CDCA5: variants seen among roughly 807,000 people sequenced by gnomAD.
The protein encoded by CDCA5 is cell division cycle associated 5, also known as sororin.
Under a neutral mutation model 25.7 loss-of-function variants are expected in CDCA5, and 14 were observed. That is an observed-to-expected ratio of 0.54 (90% confidence interval 0.36 to 0.85). The LOEUF is 0.85. Ranked by LOEUF, CDCA5 falls within the 40% of genes least tolerant of loss-of-function variation. The probability of loss-of-function intolerance (pLI) is 0.01; values close to 1 mark genes in which losing one functional copy is unlikely to be tolerated. For synonymous variants in CDCA5, 127 were observed against 128.7 expected (o/e 0.99, Z 0.09); for missense variants, 307 against 324.5 (o/e 0.95, Z 0.41).
At chr11:65,066,108 A>G (rs993656827), downstream of CDCA5, among the ~76,000 whole-genome samples, 5 of 151,562 alleles carry the variant, frequency 3.3e-5, no homozygotes, top group African/African-American at 1.2e-4. Flanking sequence ...GACAACAACC[A>G]GGCCTGGAAC....
rs749138054 is a variant in CDCA5, at chr11:65,083,908, C to G, written c.46+25G>C. 1.6e-5 allele frequency: 25 copies of G among 1,609,120 alleles called. No individual in the cohort carries two copies. The South Asian group carries it at 2.5e-4, about 16-fold the overall frequency. ...GCGTCCCCCAAACGGCTCGACCTCA[C>G]GTCTCCCGCGCGCCCTCCGCTCACC... On this transcript the variant is annotated intron_variant, in intron 1 of 5. Transcript: ENST00000275517.
At chr11:65,066,352 G>A (rs1163754069), downstream of CDCA5, 5 of 1,173,130 alleles carry the variant, frequency 4.3e-6, no homozygotes, top group African/African-American at 8.0e-5. Context: ...TGAAGGAGCG[G>A]CCTCCCGAGG....
Position 65,079,727 on chromosome 11 carries a change from G to C in CDCA5, c.304C>G (p.Leu102Val). The change falls in exon 5 of 6, where the codon CTT becomes GTT. Residue 102 changes from leucine to valine, a missense_variant. Leu to Val is a conservative substitution (Grantham distance 32, BLOSUM62 1). Transcript: ENST00000275517. ...PPGRELTKED[L>V]FKTHSVPATP... ...GCAGGGACGCTGTGTGTCTTGAAAA[G>C]GTCCTCCTTAGTAAGCTCCCTGCCA... is the stretch of plus-strand genomic sequence containing the variant. 6.6e-7 allele frequency: 1 copy of C among 1,524,470 alleles called. No homozygotes were observed. The highest frequency in any genetic ancestry group is 8.8e-7 in the Non-Finnish European group (1 of 1,137,568). The allele number at this position is 1,524,470 out of a possible 1,614,324, so 94.4% of individuals were successfully genotyped here.
intron 1 of CDCA5, among the ~76,000 whole-genome samples, chr11:65,071,149 A>G (rs189728979): frequency 6.6e-6 from 1 of 150,918 alleles, no homozygotes; most frequent in Admixed American, 6.6e-5. Context: ...TCACCGTGTT[A>G]GCCAGGATGG....
Position 65,083,283 on chromosome 11 carries a change from A to T in CDCA5, c.243+81T>A, listed in dbSNP as rs1947612253. 2.0e-6 allele frequency: 3 copies of T among 1,525,060 alleles called. No homozygotes were observed. The Admixed American group carries it at 5.1e-5, about 26-fold the overall frequency. The allele number at this position is 1,525,060 out of a possible 1,614,324, so 94.5% of individuals were successfully genotyped here. ...AGTACTGCAAAACAGCTCCCTGGGC[A>T]GATGTGAGGAGCCAATGTGTGCTGT... On this transcript the variant is annotated intron_variant, in intron 4 of 5. Transcript: ENST00000275517.
chr11:65,069,235 C>CAA (rs538955897), intron 1 of CDCA5, among the ~76,000 whole-genome samples: 1,049 of 84,846 alleles, frequency 0.012, 35 homozygotes, highest in Admixed American at 0.017. Context: ...GCGAGACTCT[C>CAA]AAAAAAAAAA....
intron 5 of CDCA5, chr11:65,066,730 AC>A (rs1339450531): frequency 1.6e-6 from 2 of 1,287,068 alleles, no homozygotes; most frequent in Non-Finnish European, 2.0e-6. Context: ...ATGCAGGACA[AC>A]CCGAAGCCCC....
chr11:65,081,247 A>G (rs1947559592), intron 4 of CDCA5, among the ~76,000 whole-genome samples: 1 of 152,152 alleles, frequency 6.6e-6, no homozygotes. Flanking sequence ...CAACATAGTG[A>G]AACCCCATCT....
chr11:65,062,622 T>C (rs1275546683), downstream of CDCA5, among the ~76,000 whole-genome samples: 2 of 152,136 alleles, frequency 1.3e-5, no homozygotes, highest in Non-Finnish European at 2.9e-5. Context: ...AGCTCTTCCC[T>C]GACTACTCTA....
chr11:65,062,332 C>T (rs527239072), downstream of CDCA5, among the ~76,000 whole-genome samples: 24 of 152,270 alleles, frequency 1.6e-4, no homozygotes, highest in East Asian at 3.9e-3. Context: ...ATGTCACGAC[C>T]GTGCTCACAG....
At chr11:65,082,459 C>CT (rs35061489) in intron 4 of CDCA5, among the ~76,000 whole-genome samples, 2,414 of 103,046 alleles carry the variant, frequency 0.023, 144 homozygotes, top group African/African-American at 0.071. Context: ...ACCTACTTGT[C>CT]TTTTTTTTTT....
intron 4 of CDCA5, among the ~76,000 whole-genome samples, chr11:65,080,105 G>T (rs369436868): frequency 6.6e-6 from 1 of 152,022 alleles, no homozygotes; most frequent in South Asian, 2.1e-4. Flanking sequence ...TTAGCCAGGA[G>T]GGTCTCGATT....
intron 4 of CDCA5, 113 bp downstream of exon 4, chr11:65,083,250 GT>G: frequency 1.6e-6 from 2 of 1,245,080 alleles, no homozygotes; most frequent in Non-Finnish European, 2.3e-6. Context: ...CAGGCAAACT[GT>G]TTTTGCAGTA....
chr11:65,073,036 C>T (rs890673079), downstream of CDCA5, among the ~76,000 whole-genome samples: 15 of 150,910 alleles, frequency 9.9e-5, no homozygotes, highest in African/African-American at 3.4e-4. Context: ...CTCCACCCGC[C>T]AGGGTTCAAG....
At chr11:65,071,926 G>C (rs1423476635) in intron 1 of CDCA5, among the ~76,000 whole-genome samples, 1 of 152,124 alleles carries the variant, frequency 6.6e-6, no homozygotes, top group Non-Finnish European at 1.5e-5. Context: ...GCAGGAAATC[G>C]GGCTCAGCCT....
chr11:65,075,893 C>A (rs1204252810), downstream of CDCA5, among the ~76,000 whole-genome samples: 1 of 152,072 alleles, frequency 6.6e-6, no homozygotes, highest in Admixed American at 6.5e-5. Flanking sequence ...TCAGGAAAAG[C>A]CAAGAAAAAG....
Position 65,078,340 on chromosome 11 carries a change from C to T in CDCA5, c.*767G>A. 1.0e-6 allele frequency: 1 copy of T among 985,696 alleles called. No individual in the cohort carries two copies. The allele number at this position is 985,696 out of a possible 1,614,324, so 61.1% of individuals were successfully genotyped here. ...AGAGGCCATGAGCCACAGAAACTCA[C>T]AGCACCTGGTGGCCACACCCTGAAA... On this transcript the variant is annotated 3_prime_UTR_variant, in exon 6 of 6. Coordinates refer to ENST00000275517, the MANE Select transcript of CDCA5 (RefSeq NM_080668.4).
At chr11:65,065,397 C>T (rs142306415), downstream of CDCA5, among the ~76,000 whole-genome samples, 1,078 of 152,256 alleles carry the variant, frequency 7.1e-3, 17 homozygotes, top group African/African-American at 0.025. Context: ...AAGTGATTCT[C>T]GTGCCTCAGC....
chr11:65,072,997 G>C (rs898513020), downstream of CDCA5, among the ~76,000 whole-genome samples: 2 of 138,536 alleles, frequency 1.4e-5, no homozygotes, highest in Non-Finnish European at 3.0e-5. Context: ...AGGCTGGAGT[G>C]AAGTGGCATG....
Sources: allele counts gnomAD v4.1 joint callset (sites outside exome capture counted in the v4.1 genomes callset), GRCh38; gene constraint gnomAD v4.1.1; transcripts MANE v1.5; gene names NCBI Gene and HGNC (gene_info 2026-07-23, HGNC 2026-07-21).